Variants in RGS6 observed in about 807,000 individuals in gnomAD.
The protein encoded by RGS6 is regulator of G protein signaling 6.
RGS6 carries 30 observed loss-of-function variants against 78.5 expected under a neutral mutation model. The observed-to-expected ratio is 0.38, with a 90% CI of 0.29 to 0.52. The LOEUF (loss-of-function observed/expected upper bound fraction) is 0.52. Among genes scored for constraint, RGS6 ranks in the 20% least tolerant of loss-of-function variants. RGS6 has a pLI of 0.85. For synonymous variants in RGS6, 206 were observed against 206.0 expected (o/e 1.00, Z 0.00); for missense variants, 495 against 609.7 (o/e 0.81, Z 1.98).
chr14:72,375,391 C>G (rs1350568724), intron 3 of RGS6, among the ~76,000 whole-genome samples: 2 of 152,136 alleles, frequency 1.3e-5, no homozygotes, highest in Non-Finnish European at 2.9e-5. Context: ...CTAGAGAGGG[C>G]CAGCTGAGGA....
At chr14:72,209,285 T>C (rs1245963905) in intron 2 of RGS6, among the ~76,000 whole-genome samples, 1 of 152,018 alleles carries the variant, frequency 6.6e-6, no homozygotes, top group Non-Finnish European at 1.5e-5. Flanking sequence ...ACAAGAAAAA[T>C]GAAAGGCAGA....
intron 15 of RGS6, among the ~76,000 whole-genome samples, chr14:72,527,670 T>G (rs2097134983): frequency 6.6e-6 from 1 of 152,204 alleles, no homozygotes; most frequent in Non-Finnish European, 1.5e-5. Context: ...TGTATAATCA[T>G]TTTTGTAGTG....
At chr14:71,981,244 A>G (rs897261776) in intron 2 of RGS6, among the ~76,000 whole-genome samples, 1 of 151,958 alleles carries the variant, frequency 6.6e-6, no homozygotes, top group African/African-American at 2.4e-5. Context: ...GATCGTCTGA[A>G]GCCTTCTTCT....
intron 15 of RGS6, among the ~76,000 whole-genome samples, chr14:72,519,548 T>A (rs1311023940): frequency 1.3e-5 from 2 of 152,210 alleles, no homozygotes; most frequent in African/African-American, 4.8e-5. Flanking sequence ...CCTTGTCATT[T>A]GCTCAGAACT....
chr14:72,600,608 G>A, the RGS6 span, among the ~76,000 whole-genome samples: 1 of 151,500 alleles, frequency 6.6e-6, no homozygotes. Context: ...CAATTTTACA[G>A]ACAAATTCAA....
the RGS6 span, among the ~76,000 whole-genome samples, chr14:71,898,279 C>T: frequency 8.0e-5 from 8 of 99,592 alleles, no homozygotes; most frequent in Admixed American, 7.3e-4. Context: ...CTCCCTATCC[C>T]TGACTTCTCC....
chr14:72,128,498 C>G (rs1331272535), intron 2 of RGS6, among the ~76,000 whole-genome samples: 3 of 151,862 alleles, frequency 2.0e-5, no homozygotes, highest in Non-Finnish European at 4.4e-5. Flanking sequence ...TCTCACATCT[C>G]ATTGTGTTTG....
At chr14:71,953,111 A>G (rs1431287715) in intron 1 of RGS6, among the ~76,000 whole-genome samples, 2 of 152,172 alleles carry the variant, frequency 1.3e-5, no homozygotes, top group African/African-American at 4.8e-5. Flanking sequence ...CCCATACTTA[A>G]CAAAATATAA....
intron 2 of RGS6, among the ~76,000 whole-genome samples, chr14:72,250,966 A>C (rs1265439198): frequency 6.6e-6 from 1 of 152,212 alleles, no homozygotes; most frequent in African/African-American, 2.4e-5. Flanking sequence ...TAAGCATGGA[A>C]GCCATACAAA....
At position 72,108,909 on chromosome 14, in the gene RGS6, T is replaced by A. The variant is rs866652920; in HGVS notation, c.84+144034T>A. Among the ~76,000 whole-genome samples, 3 of 152,148 alleles carry A rather than the reference T, an allele frequency of 2.0e-5. No individual in the cohort carries two copies. The South Asian group carries it at 6.2e-4, about 31-fold the overall frequency. On this transcript the variant is annotated intron_variant, in intron 2 of 17. Coordinates refer to ENST00000553525, the MANE Select transcript of RGS6 (RefSeq NM_001204424.2). ...TTCATTATCTGTGGAAATGTTGTTT[T>A]ATTCGTTTTCCTCTTTTATCCTTAA...
rs1170842812 is a variant in RGS6 at position 72,525,658 on chromosome 14, A to G, written c.1278+7121A>G. Among the ~76,000 whole-genome samples, 4 of 152,224 alleles carry G rather than the reference A, an allele frequency of 2.6e-5. No homozygotes were observed. In the East Asian group the frequency reaches 7.7e-4, roughly 29 times the overall value. On this transcript the variant is annotated intron_variant, in intron 15 of 17. Transcript: ENST00000553525. Reference sequence around the variant, plus strand: ...AGAGTATGATTTTAGGTTTGCCCAGATTATTCAGAAGTAGAAGTCTTCCCA... The same window carrying G: ...AGAGTATGATTTTAGGTTTGCCCAGGTTATTCAGAAGTAGAAGTCTTCCCA...
chr14:72,221,046 C>G (rs847317), intron 2 of RGS6, among the ~76,000 whole-genome samples: 3 of 151,952 alleles, frequency 2.0e-5, no homozygotes, highest in Non-Finnish European at 4.4e-5. Flanking sequence ...TGCCTAGCTT[C>G]TAAGAGGATG....
chr14:71,971,187 A>ACTC (rs2093782345), intron 2 of RGS6, among the ~76,000 whole-genome samples: 1 of 152,026 alleles, frequency 6.6e-6, no homozygotes, highest in Non-Finnish European at 1.5e-5. Context: ...CCCAAGTTCA[A>ACTC]CTCCTTTGCA....
intron 13 of RGS6, among the ~76,000 whole-genome samples, chr14:72,504,254 T>C (rs11621791): frequency 0.092 from 14,038 of 152,290 alleles, 779 homozygotes; most frequent in South Asian, 0.16. Context: ...TTTTTGCATA[T>C]GAATAGACAA....
intron 14 of RGS6, among the ~76,000 whole-genome samples, 184 bp downstream of exon 14, chr14:72,510,463 T>C (rs2096864965): frequency 6.6e-6 from 1 of 152,242 alleles, no homozygotes; most frequent in Non-Finnish European, 1.5e-5. Context: ...ACCACCATAA[T>C]AGCACCTACT....
At chr14:72,451,052 A>G (rs1320093512) in intron 3 of RGS6, among the ~76,000 whole-genome samples, 1 of 152,170 alleles carries the variant, frequency 6.6e-6, no homozygotes, top group East Asian at 1.9e-4. Flanking sequence ...TGTGAGAGTG[A>G]GCACGTCCCC....
intron 2 of RGS6, among the ~76,000 whole-genome samples, chr14:72,172,109 G>A (rs569411309): frequency 1.6e-4 from 24 of 152,042 alleles, no homozygotes; most frequent in Middle Eastern, 3.2e-3. Context: ...GATACAAAAT[G>A]GCTCATTGGC....
chr14:72,283,124 A>G (rs1315784542), intron 2 of RGS6, among the ~76,000 whole-genome samples: 1 of 152,200 alleles, frequency 6.6e-6, no homozygotes, highest in Non-Finnish European at 1.5e-5. Context: ...TTAAGGCTGA[A>G]TAATATTCCA....
intron 2 of RGS6, among the ~76,000 whole-genome samples, chr14:72,023,188 C>G (rs1341337953): frequency 6.6e-6 from 1 of 152,228 alleles, no homozygotes; most frequent in Non-Finnish European, 1.5e-5. Context: ...ATGAGTCTAA[C>G]TTTTCTAAGC....
Sources: gnomAD v4.1 joint callset for allele counts (sites outside exome capture counted in the v4.1 genomes callset) on GRCh38, gnomAD v4.1.1 for gene constraint, MANE v1.5 for transcripts, NCBI Gene and HGNC (gene_info 2026-07-23, HGNC 2026-07-21) for gene names.